Variants in SMCO4 observed in about 807,000 individuals in gnomAD.
SMCO4 encodes the protein single-pass membrane and coiled-coil domain-containing protein 4.
Under a neutral mutation model 3.6 loss-of-function variants are expected in SMCO4, and 4 were observed. The ratio of observed to expected loss-of-function variants is 1.11; its 90% CI spans 0.54 to 2.53. SMCO4 has a LOEUF of 2.53. Ranked by LOEUF, SMCO4 falls within the 30% of genes most tolerant of loss-of-function variation. The pLI is 0.02. For missense variants in SMCO4, 70 were observed against 80.8 expected, an observed-to-expected ratio of 0.87 and a Z score of 0.51; for synonymous variants, 36 against 35.3, an observed-to-expected ratio of 1.02 and a Z score of -0.07.
rs371845014 is a variant in SMCO4 at position 93,479,182 on chromosome 11, T to C, written c.8A>G (p.Gln3Arg). The change falls in exon 3 of 3, where the codon CAG becomes CGG. Residue 3 changes from glutamine to arginine, a missense_variant. Gln to Arg is a conservative substitution (Grantham distance 43). Transcript: ENST00000298966. MRQLKGKPKKETS... is the reference protein window; with the variant it reads MRRLKGKPKKETS... ...CTCCTTCTTGGGCTTCCCTTTGAGC[T>C]GCCGCATCTTTCCTAGAGGATGCTA... 338 of 1,613,820 alleles carry C rather than the reference T, an allele frequency of 2.1e-4. 2 individuals carry two copies. In the East Asian group the frequency reaches 6.0e-3, roughly 29 times the overall value.
chr11:93,549,156 C>T, the SMCO4 span, among the ~76,000 whole-genome samples: 5 of 152,306 alleles, frequency 3.3e-5, no homozygotes, highest in East Asian at 7.7e-4. Flanking sequence ...TGTGTGTGTA[C>T]TTATGGCAGG....
At chr11:93,490,749 G>C (rs2134581695) in intron 2 of SMCO4, among the ~76,000 whole-genome samples, 1 of 152,356 alleles carries the variant, frequency 6.6e-6, no homozygotes, top group South Asian at 2.1e-4. Context: ...GCTAGATTTA[G>C]CTGCGGCTCT....
chr11:93,540,602 ACATGGATTGAAAGAT>A (rs1282268110), intron 1 of SMCO4, among the ~76,000 whole-genome samples: 5 of 152,252 alleles, frequency 3.3e-5, no homozygotes, highest in African/African-American at 9.6e-5. Context: ...ACAAAATGGT[ACATGGATTGAAAGAT>A]CATCAGTAAC....
Position 93,538,381 on chromosome 11 carries a change from T to G in SMCO4, c.-154+4895A>C, listed in dbSNP as rs114319138. ...GCCAAAACTGAGGACCAAACCCTGG[T>G]GGGTCCCCTGTGCCACCAGGGAAGA... On this transcript the variant is annotated intron_variant, in intron 1 of 2. Coordinates refer to ENST00000298966, the MANE Select transcript of SMCO4 (RefSeq NM_020179.3). Among the ~76,000 whole-genome samples the G allele has an allele frequency of 2.8e-3, 433 of 152,302 alleles. 4 individuals carry two copies. Among genetic ancestry groups the G allele is most frequent in the African/African-American group, 0.01 (416 of 41,568 alleles).
At chr11:93,546,484 A>G (rs1190505054), upstream of SMCO4, among the ~76,000 whole-genome samples, 1 of 152,184 alleles carries the variant, frequency 6.6e-6, no homozygotes, top group Non-Finnish European at 1.5e-5. Context: ...TGACAATTAC[A>G]TTTATTGGCA....
chr11:93,492,888 T>G (rs1004186255), intron 2 of SMCO4, among the ~76,000 whole-genome samples: 1 of 152,168 alleles, frequency 6.6e-6, no homozygotes, highest in African/African-American at 2.4e-5. Flanking sequence ...CCTGACAAAA[T>G]TCATATATTT....
intron 1 of SMCO4, among the ~76,000 whole-genome samples, chr11:93,528,859 T>C (rs1762566759): frequency 6.6e-6 from 1 of 152,194 alleles, no homozygotes; most frequent in African/African-American, 2.4e-5. Flanking sequence ...AATCACAGCA[T>C]GCCGCCTACT....
In SMCO4 at chr11:93,534,369, T is replaced by TAGAGAGAG. The variant is rs377624097; in HGVS notation, c.-154+8906_-154+8907insCTCTCTCT. On this transcript the variant is annotated intron_variant, in intron 1 of 2. Coordinates refer to ENST00000298966, the MANE Select transcript of SMCO4 (RefSeq NM_020179.3). ...ATATATACACATACATATATATATA[T>TAGAGAGAG]ATATATAGAGAGAGAGAGAGAGAGA... Among the ~76,000 whole-genome samples, 134 of 99,728 alleles carry TAGAGAGAG rather than the reference T, an allele frequency of 1.3e-3. 1 individual carries two copies. Among genetic ancestry groups the TAGAGAGAG allele is most frequent in the African/African-American group, 3.5e-3 (111 of 31,484 alleles). The allele number at this position is 99,728 out of a possible 152,430, so 65.4% of individuals were successfully genotyped here. A position where few individuals can be genotyped will look rare whatever the true frequency, so the allele number is the denominator to read the frequency against.
chr11:93,508,305 C>T (rs76039045), intron 1 of SMCO4, among the ~76,000 whole-genome samples: 1,806 of 152,022 alleles, frequency 0.012, 32 homozygotes, highest in African/African-American at 0.042. Context: ...GTGCTGAGTA[C>T]GAAAATGGTA....
chr11:93,502,794 G>A (rs1237072068), intron 1 of SMCO4, among the ~76,000 whole-genome samples: 4 of 152,238 alleles, frequency 2.6e-5, no homozygotes, highest in African/African-American at 7.2e-5. Flanking sequence ...ACAAATTATG[G>A]TAGATTCATT....
upstream of SMCO4, among the ~76,000 whole-genome samples, chr11:93,547,605 C>T (rs1443522400): frequency 6.6e-6 from 1 of 152,168 alleles, no homozygotes; most frequent in African/African-American, 2.4e-5. Flanking sequence ...ACTACTATAC[C>T]TTCAATACCT....
At chr11:93,520,832 TG>T (rs369144932) in intron 1 of SMCO4, among the ~76,000 whole-genome samples, 76 of 152,282 alleles carry the variant, frequency 5.0e-4, no homozygotes, top group African/African-American at 1.8e-3. Flanking sequence ...TTCTGTCCAG[TG>T]CCTTTCACCT....
intron 1 of SMCO4, among the ~76,000 whole-genome samples, chr11:93,527,959 T>C (rs371131341): frequency 2.0e-4 from 30 of 152,260 alleles, no homozygotes; most frequent in East Asian, 9.6e-4. Context: ...TTTTTTAAAA[T>C]AGGAATGTCA....
At chr11:93,515,968 C>T (rs1949004410) in intron 1 of SMCO4, among the ~76,000 whole-genome samples, 1 of 152,130 alleles carries the variant, frequency 6.6e-6, no homozygotes, top group Non-Finnish European at 1.5e-5. Flanking sequence ...TGCAGTAAAA[C>T]TGGTTCTGTT....
intron 1 of SMCO4, among the ~76,000 whole-genome samples, chr11:93,501,539 C>G (rs1948838252): frequency 6.6e-6 from 1 of 152,192 alleles, no homozygotes; most frequent in Non-Finnish European, 1.5e-5. Flanking sequence ...TATGCCCTCT[C>G]CTCTTGGCAC....
intron 1 of SMCO4, among the ~76,000 whole-genome samples, chr11:93,530,930 C>T (rs570156528): frequency 1.3e-5 from 2 of 152,334 alleles, no homozygotes; most frequent in Admixed American, 6.5e-5. Flanking sequence ...TCCCAAAAAA[C>T]TCATGTCCAC....
At chr11:93,542,620 C>T (rs535494994) in intron 1 of SMCO4, among the ~76,000 whole-genome samples, 6 of 152,300 alleles carry the variant, frequency 3.9e-5, no homozygotes, top group African/African-American at 9.6e-5. Flanking sequence ...CGTACAGGAA[C>T]TCCCCACTGG....
chr11:93,522,337 C>T (rs1009961411), intron 1 of SMCO4, among the ~76,000 whole-genome samples: 1 of 152,156 alleles, frequency 6.6e-6, no homozygotes, highest in Non-Finnish European at 1.5e-5. Flanking sequence ...GATAATTCCA[C>T]TCACCCCTCT....
chr11:93,481,353 C>T (rs1379704530), intron 2 of SMCO4: 9 of 834,488 alleles, frequency 1.1e-5, no homozygotes, highest in Non-Finnish European at 1.2e-5. Flanking sequence ...GAGACATCTC[C>T]ACCCATACCC....
Sources: gnomAD v4.1 joint callset for allele counts (sites outside exome capture counted in the v4.1 genomes callset) on GRCh38, gnomAD v4.1.1 for gene constraint, MANE v1.5 for transcripts, NCBI Gene and HGNC (gene_info 2026-07-23, HGNC 2026-07-21) for gene names.